Variants in SMOX observed in about 807,000 individuals in gnomAD.
SMOX encodes the protein spermine oxidase, also known as flavin containing amine oxidase.
In SMOX, 22 loss-of-function variants were observed where a neutral mutation model predicts 51.0. The observed-to-expected ratio is 0.43, with a 90% CI of 0.31 to 0.62. SMOX has a LOEUF of 0.62. Ranked by LOEUF, SMOX falls within the 20% of genes least tolerant of loss-of-function variation. The pLI, the probability that SMOX is intolerant of heterozygous loss-of-function variation, is 0.10. For synonymous variants in SMOX, 282 were observed against 307.8 expected (o/e 0.92, Z 0.88); for missense variants, 566 against 777.7 (o/e 0.73, Z 3.24).
At chr20:4,174,772 C>T (rs910194321) in intron 1 of SMOX, among the ~76,000 whole-genome samples, 1 of 152,200 alleles carries the variant, frequency 6.6e-6, no homozygotes, top group African/African-American at 2.4e-5. Context: ...AAATGCATCC[C>T]TCCCTTACTT....
At position 4,177,352 on chromosome 20, in the gene SMOX, A is replaced by T. The variant is rs1978942056; in HGVS notation, c.210A>T (p.Gly70=). The T allele has an allele frequency of 6.4e-7, 1 of 1,551,714 alleles. No individual in the cohort carries two copies. The highest frequency in any genetic ancestry group is 8.7e-7 in the Non-Finnish European group (1 of 1,147,092). Residue 70 remains glycine, a splice_region_variant and synonymous_variant, in exon 3 of 7, where the codon GGA becomes GGT. Coordinates refer to ENST00000305958, the MANE Select transcript of SMOX (RefSeq NM_175839.3). The surrounding 1 kb of genome is among the most constrained non-coding windows in gnomAD (Gnocchi z 4.3). ...IGGRVQSVKL[G]HATFELGATW... Reference sequence around the variant, plus strand: ...AGGGCCTGCTGTTGTCACCCTCAGGACACGCCACCTTTGAGCTGGGAGCCA... The same window carrying T: ...AGGGCCTGCTGTTGTCACCCTCAGGTCACGCCACCTTTGAGCTGGGAGCCA...
At chr20:4,185,384 C>T (rs2122599156) in intron 6 of SMOX, among the ~76,000 whole-genome samples, 1 of 152,306 alleles carries the variant, frequency 6.6e-6, no homozygotes, top group Non-Finnish European at 1.5e-5. Context: ...ACCAGCCTCA[C>T]CTGGGAGCTA....
rs1978515262 is a variant in SMOX, at chr20:4,172,806, T to TGG, written c.-26-2222_-26-2221dup. Among the ~76,000 whole-genome samples the TGG allele has an allele frequency of 1.7e-4, 1 of 5,818 alleles. No homozygotes were observed. The highest frequency in any genetic ancestry group is 2.0e-3 in the Admixed American group (1 of 508). 3.8% of individuals were successfully genotyped at this position (5,818 alleles called of 152,430 possible). A position where few individuals can be genotyped will look rare whatever the true frequency, so the allele number is the denominator to read the frequency against. On this transcript the variant is annotated intron_variant, in intron 1 of 6. Coordinates refer to ENST00000305958, the MANE Select transcript of SMOX (RefSeq NM_175839.3). The surrounding 1 kb of genome is among the most constrained non-coding windows in gnomAD (Gnocchi z 7.7). Reference sequence around the variant, plus strand: ...TTTTAGGGGCTGGAGGGTGGGTGGGTGGGAGGGGGGGTGGTGGAGGGAGGA... The same window carrying TGG: ...TTTTAGGGGCTGGAGGGTGGGTGGGTGGGGGAGGGGGGGTGGTGGAGGGAGGA...
At chr20:4,175,306 C>A (rs1442452795) in intron 2 of SMOX, 43 bp downstream of exon 2, 2 of 1,579,358 alleles carry the variant, frequency 1.3e-6, no homozygotes, top group East Asian at 2.3e-5. Flanking sequence ...CCCAGGTCAC[C>A]TTTAGTCTCC....
intron 1 of SMOX, among the ~76,000 whole-genome samples, chr20:4,151,323 C>G (rs1985750685): frequency 2.6e-5 from 4 of 152,196 alleles, no homozygotes; most frequent in Admixed American, 2.0e-4. Flanking sequence ...TTGCCCTTCT[C>G]TGATCTATTT....
rs530132458 is a variant in SMOX, at chr20:4,172,292, GC to G, written c.-26-2734del. Among the ~76,000 whole-genome samples the G allele has an allele frequency of 7.0e-3, 1,059 of 152,340 alleles. 17 individuals are homozygous for G. Among genetic ancestry groups the G allele is most frequent in the African/African-American group, 0.023 (977 of 41,588 alleles). ...CGGCGTCCCCGTCGCAGCTGGCGCG[GC>G]CCCTCCGGAGCACGCCGCGTGTTTA... On this transcript the variant is annotated intron_variant, in intron 1 of 6. Transcript: ENST00000305958. The surrounding 1 kb of genome is among the most constrained non-coding windows in gnomAD (Gnocchi z 7.7).
At chr20:4,156,563 C>T (rs1048254222) in intron 1 of SMOX, among the ~76,000 whole-genome samples, 1 of 152,164 alleles carries the variant, frequency 6.6e-6, no homozygotes, top group African/African-American at 2.4e-5. Flanking sequence ...CAGATGTGCC[C>T]ATCCCACCTC....
chr20:4,160,709 C>T lies in SMOX; in HGVS notation c.-27+11732C>T, dbSNP rs189387823. On this transcript the variant is annotated intron_variant, in intron 1 of 6. Transcript: ENST00000305958. ...GCCACCTTGGCTCTATGATAAATTACGTTGTGTGGACACCATAAGAGAGGT... is the reference window on the plus strand; with the variant it reads ...GCCACCTTGGCTCTATGATAAATTATGTTGTGTGGACACCATAAGAGAGGT... Among the ~76,000 whole-genome samples the T allele has an allele frequency of 1.8e-4, 27 of 152,306 alleles. No homozygotes were observed. In the South Asian group the frequency reaches 3.1e-3, roughly 18 times the overall value.
rs1272576355 is a variant in SMOX, at chr20:4,167,649, G to C, written c.-26-7381G>C. ...CCCAGGGGTCACCTGGCAAGGTAGA[G>C]ATTGAGCTGGGGCCTGATTCCCAGG... On this transcript the variant is annotated intron_variant, in intron 1 of 6. Coordinates refer to ENST00000305958, the MANE Select transcript of SMOX (RefSeq NM_175839.3). This position sits in a 1 kb window ranked among gnomAD's most constrained non-coding sequence, Gnocchi z 4.8. 2.6e-5 allele frequency among the ~76,000 whole-genome samples: 4 copies of C among 152,100 alleles called. No individual in the cohort carries two copies. Among genetic ancestry groups the C allele is most frequent in the Admixed American group, 2.6e-4 (4 of 15,286 alleles).
intron 1 of SMOX, among the ~76,000 whole-genome samples, chr20:4,158,118 T>A (rs893334632): frequency 2.3e-4 from 35 of 150,556 alleles, no homozygotes; most frequent in Non-Finnish European, 2.1e-4. Flanking sequence ...GCCAGGATGG[T>A]CTCGATCTCC....
In SMOX at chr20:4,172,657, C is replaced by A. The variant is rs1235758381; in HGVS notation, c.-26-2373C>A. Among the ~76,000 whole-genome samples, 1 of 152,082 alleles carries A rather than the reference C, an allele frequency of 6.6e-6. No individual in the cohort carries two copies. The highest frequency in any genetic ancestry group is 1.5e-5 in the Non-Finnish European group (1 of 68,022). On this transcript the variant is annotated intron_variant, in intron 1 of 6. Transcript: ENST00000305958. The surrounding 1 kb of genome is among the most constrained non-coding windows in gnomAD (Gnocchi z 7.7). Reference sequence around the variant, plus strand: ...GCTGTCTGGGAAGGGGAGCGGGAGCCCTTGCCTCCGAACTGGACGCTGCCC... The same window carrying A: ...GCTGTCTGGGAAGGGGAGCGGGAGCACTTGCCTCCGAACTGGACGCTGCCC...
At position 4,175,039 on chromosome 20, in the gene SMOX, A is replaced by G. The variant is rs1001648050; in HGVS notation, c.-17A>G. 1.9e-6 allele frequency: 3 copies of G among 1,613,382 alleles called. No homozygotes were observed. The highest frequency in any genetic ancestry group is 2.5e-6 in the Non-Finnish European group (3 of 1,179,596). On this transcript the variant is annotated 5_prime_UTR_variant, in exon 2 of 7. Coordinates refer to ENST00000305958, the MANE Select transcript of SMOX (RefSeq NM_175839.3). ...CCTCCTCCCCCTGCAGGTTCCTAGA[A>G]GGTGAGCGCGGACGGTATGCAAAGT...
intron 3 of SMOX, among the ~76,000 whole-genome samples, chr20:4,178,227 T>C (rs553306625): frequency 6.6e-6 from 1 of 152,202 alleles, no homozygotes; most frequent in East Asian, 1.9e-4. Context: ...TTAGTAGAGA[T>C]GGGGTTTCAC....
intron 3 of SMOX, among the ~76,000 whole-genome samples, chr20:4,180,056 C>T (rs1466485965): frequency 1.3e-5 from 2 of 152,194 alleles, no homozygotes; most frequent in Non-Finnish European, 2.9e-5. Context: ...TAAGGACTGG[C>T]TACCAGGTTG....
rs1405753265 is a variant in SMOX at position 4,170,074 on chromosome 20, C to T, written c.-26-4956C>T. Among the ~76,000 whole-genome samples, 3 of 150,146 alleles carry T rather than the reference C, an allele frequency of 2.0e-5. No homozygotes were observed. The highest frequency in any genetic ancestry group is 7.4e-5 in the African/African-American group (3 of 40,702). ...TTGCTAAATTATATTCCCTGGCCAG[C>T]GAGATGCCCAGCTGTGCTTATCCTT... On this transcript the variant is annotated intron_variant, in intron 1 of 6. Coordinates refer to ENST00000305958, the MANE Select transcript of SMOX (RefSeq NM_175839.3). The surrounding 1 kb of genome is among the most constrained non-coding windows in gnomAD (Gnocchi z 4.6).
chr20:4,161,987 G>A (rs565267575), intron 1 of SMOX, among the ~76,000 whole-genome samples: 2 of 152,280 alleles, frequency 1.3e-5, no homozygotes, highest in Admixed American at 6.5e-5. Flanking sequence ...CACTCACGGC[G>A]GCAGCCACCG....
chr20:4,158,082 A>G (rs536224571), intron 1 of SMOX, among the ~76,000 whole-genome samples: 1 of 148,082 alleles, frequency 6.8e-6, no homozygotes, highest in African/African-American at 2.5e-5. Context: ...TTGTATTTTT[A>G]GTAGAGATGG....
chr20:4,158,015 C>G (rs1267404172), intron 1 of SMOX, among the ~76,000 whole-genome samples: 3 of 151,740 alleles, frequency 2.0e-5, no homozygotes, highest in Non-Finnish European at 4.4e-5. Flanking sequence ...ATTCTCCTGC[C>G]TCAGCCTCCC....
At chr20:4,158,020 C>T (rs1321163430) in intron 1 of SMOX, among the ~76,000 whole-genome samples, 5 of 151,642 alleles carry the variant, frequency 3.3e-5, no homozygotes, top group South Asian at 4.2e-4. Flanking sequence ...CCTGCCTCAG[C>T]CTCCCGAGTA....
Sources: gnomAD v4.1 joint callset for allele counts (sites outside exome capture counted in the v4.1 genomes callset) on GRCh38, gnomAD v4.1.1 for gene constraint, Gnocchi (gnomAD v3.1) non-coding constraint, MANE v1.5 for transcripts, NCBI Gene and HGNC (gene_info 2026-07-23, HGNC 2026-07-21) for gene names.